CSMD1: variants seen among roughly 807,000 people sequenced by gnomAD.
CSMD1 encodes the protein CUB and Sushi multiple domains 1, also known as CUB and sushi domain-containing protein 1.
A neutral mutation model predicts 417.5 loss-of-function variants in CSMD1; 213 were observed. That is an observed-to-expected ratio of 0.51 (90% CI 0.46 to 0.57). The LOEUF is 0.57. Ranked by LOEUF, CSMD1 falls within the 20% of genes least tolerant of loss-of-function variation. CSMD1 has a pLI of 0.00. For missense variants in CSMD1, 6,923 were observed against 4,529.7 expected (o/e 1.53, Z -15.17); for synonymous variants, 2,862 against 1,736.8 (o/e 1.65, Z -16.11).
intron 5 of CSMD1, among the ~76,000 whole-genome samples, chr8:3,885,356 C>T (rs1049167740): frequency 1.6e-4 from 24 of 151,974 alleles, no homozygotes; most frequent in South Asian, 2.1e-4. Context: ...TATTGTTAAA[C>T]GGTTAAACGA....
At chr8:4,449,824 T>C (rs1328840293) in intron 2 of CSMD1, among the ~76,000 whole-genome samples, 1 of 152,170 alleles carries the variant, frequency 6.6e-6, no homozygotes, top group Non-Finnish European at 1.5e-5. Flanking sequence ...CTTCCCCTCC[T>C]ACGTTCCCTA....
intron 3 of CSMD1, among the ~76,000 whole-genome samples, chr8:4,248,132 G>C (rs1006688161): frequency 6.6e-6 from 1 of 151,826 alleles, no homozygotes; most frequent in Non-Finnish European, 1.5e-5. Context: ...TTAAACAAAT[G>C]GGCTATTTTG....
chr8:3,437,034 T>C (rs546837060), intron 12 of CSMD1, among the ~76,000 whole-genome samples: 2 of 152,272 alleles, frequency 1.3e-5, no homozygotes, highest in South Asian at 4.1e-4. Flanking sequence ...TCATTTAAAG[T>C]GTGGAGCTTA....
intron 11 of CSMD1, among the ~76,000 whole-genome samples, chr8:3,487,339 C>G (rs1415313193): frequency 1.3e-5 from 2 of 152,086 alleles, no homozygotes; most frequent in Non-Finnish European, 2.9e-5. Flanking sequence ...GTAGATGGGA[C>G]TACAGGCGCC....
intron 2 of CSMD1, among the ~76,000 whole-genome samples, chr8:4,572,634 T>C (rs1193846801): frequency 6.6e-6 from 1 of 152,174 alleles, no homozygotes; most frequent in African/African-American, 2.4e-5. Flanking sequence ...AGCGGTGTTC[T>C]CTGTATTTCC....
intron 2 of CSMD1, among the ~76,000 whole-genome samples, chr8:4,626,274 C>T (rs968607631): frequency 6.6e-6 from 1 of 152,056 alleles, no homozygotes; most frequent in Admixed American, 6.6e-5. Flanking sequence ...CTGATTCTCT[C>T]AAATTGAACA....
chr8:3,354,875 A>AGATCTATAGATATGTCTATCTATAGATC lies in CSMD1; in HGVS notation c.3304+4276_3304+4277insGATCTATAGATAGACATATCTATAGATC, dbSNP rs1424228406. ...CCTCTCCCTATATATAGATATACATATATCTATAGATATGTCTATCTATAG... is the reference window on the plus strand; with the variant it reads ...CCTCTCCCTATATATAGATATACATAGATCTATAGATATGTCTATCTATAGATCTATCTATAGATATGTCTATCTATAG... On this transcript the variant is annotated intron_variant, in intron 21 of 69. Transcript: ENST00000635120. Among the ~76,000 whole-genome samples the AGATCTATAGATATGTCTATCTATAGATC allele has an allele frequency of 3.8e-4, 27 of 71,544 alleles. 2 individuals are homozygous for AGATCTATAGATATGTCTATCTATAGATC. The highest frequency in any genetic ancestry group is 1.7e-3 in the African/African-American group (24 of 14,030). The allele number at this position is 71,544 out of a possible 152,430, so 46.9% of individuals were successfully genotyped here.
intron 21 of CSMD1, among the ~76,000 whole-genome samples, chr8:3,357,834 C>T (rs554683302): frequency 6.6e-6 from 1 of 152,068 alleles, no homozygotes; most frequent in Non-Finnish European, 1.5e-5. Flanking sequence ...TAACCACAAA[C>T]AGTAAGAACC....
intron 2 of CSMD1, among the ~76,000 whole-genome samples, chr8:4,436,303 T>C (rs1416264972): frequency 6.6e-6 from 1 of 152,172 alleles, no homozygotes; most frequent in African/African-American, 2.4e-5. Flanking sequence ...TTTCATCTTA[T>C]CTGTTTTTGT....
At chr8:3,142,342 C>G (rs1450099897) in intron 41 of CSMD1, 123 bp downstream of exon 41, 1 of 872,604 alleles carries the variant, frequency 1.1e-6, no homozygotes, top group African/African-American at 1.7e-5. Context: ...AACCAACATT[C>G]CACCAAAAAA....
intron 3 of CSMD1, among the ~76,000 whole-genome samples, chr8:4,266,831 C>T (rs1239930716): frequency 9.6e-6 from 1 of 104,034 alleles, no homozygotes; most frequent in Non-Finnish European, 2.6e-5. Context: ...TTTTCATTTA[C>T]TGCAAAAATA....
intron 1 of CSMD1, among the ~76,000 whole-genome samples, chr8:4,963,553 G>T (rs544144546): frequency 2.0e-5 from 3 of 152,138 alleles, no homozygotes; most frequent in Non-Finnish European, 2.9e-5. Context: ...ACCTGCTTTT[G>T]TGTCTTTCCT....
At chr8:3,939,462 A>G (rs1810730109) in intron 5 of CSMD1, among the ~76,000 whole-genome samples, 1 of 152,162 alleles carries the variant, frequency 6.6e-6, no homozygotes, top group Non-Finnish European at 1.5e-5. Flanking sequence ...AGATTCCTTA[A>G]AGAACTAAAA....
chr8:4,280,183 G>C lies in CSMD1; in HGVS notation c.415+139770C>G, dbSNP rs371682638. ...ACGCTTAAAAGAAGATTTTACCATG[G>C]CCTATTTCTTAAGCAAGCATAGGCC... On this transcript the variant is annotated intron_variant, in intron 3 of 69. Coordinates refer to ENST00000635120, the MANE Select transcript of CSMD1 (RefSeq NM_033225.6). 3.9e-5 allele frequency among the ~76,000 whole-genome samples: 6 copies of C among 152,226 alleles called. No homozygotes were observed. The East Asian group carries it at 9.6e-4, about 24-fold the overall frequency.
intron 4 of CSMD1, among the ~76,000 whole-genome samples, chr8:4,019,522 C>T (rs1240529189): frequency 6.6e-6 from 1 of 152,160 alleles, no homozygotes; most frequent in Non-Finnish European, 1.5e-5. Flanking sequence ...TTGGTGGTTA[C>T]CCAAGAGACA....
At chr8:2,988,466 G>C (rs536276627) in intron 54 of CSMD1, among the ~76,000 whole-genome samples, 1 of 152,254 alleles carries the variant, frequency 6.6e-6, no homozygotes, top group Admixed American at 6.5e-5. Context: ...AAATCTAACT[G>C]GTCCCTCACT....
At chr8:4,140,835 G>T (rs1260994157) in intron 3 of CSMD1, among the ~76,000 whole-genome samples, 1 of 150,902 alleles carries the variant, frequency 6.6e-6, no homozygotes, top group Non-Finnish European at 1.5e-5. Context: ...CTCACTCCAG[G>T]TTTCAAATCA....
intron 3 of CSMD1, among the ~76,000 whole-genome samples, chr8:4,176,657 C>A (rs1014059934): frequency 6.6e-6 from 1 of 151,334 alleles, no homozygotes; most frequent in Admixed American, 6.6e-5. Flanking sequence ...GAGTCAAGAC[C>A]CATCAGTGTG....
At chr8:3,304,396 T>C (rs991692030) in intron 25 of CSMD1, among the ~76,000 whole-genome samples, 1 of 152,158 alleles carries the variant, frequency 6.6e-6, no homozygotes, top group Non-Finnish European at 1.5e-5. Flanking sequence ...GTACATGATA[T>C]ACAATTTTAG....
Sources: allele counts gnomAD v4.1 joint callset (sites outside exome capture counted in the v4.1 genomes callset), GRCh38; gene constraint gnomAD v4.1.1; transcripts MANE v1.5; gene names NCBI Gene and HGNC (gene_info 2026-07-23, HGNC 2026-07-21).